TMEM63B: variants seen among roughly 807,000 people sequenced by gnomAD.
TMEM63B encodes the protein transmembrane protein 63B.
A neutral mutation model predicts 102.6 loss-of-function variants in TMEM63B; 23 were observed. The ratio of observed to expected loss-of-function variants is 0.22; its 90% CI spans 0.16 to 0.32. TMEM63B has a LOEUF of 0.32. Ranked by LOEUF, TMEM63B falls within the 10% of genes least tolerant of loss-of-function variation. The pLI is 1.00. For missense variants in TMEM63B, 628 were observed against 1,095.9 expected (o/e 0.57, Z 6.03); for synonymous variants, 444 against 437.0 (o/e 1.02, Z -0.20).
At chr6:44,130,388 C>T (rs1436008549) in intron 1 of TMEM63B, among the ~76,000 whole-genome samples, 1 of 152,076 alleles carries the variant, frequency 6.6e-6, no homozygotes, top group Non-Finnish European at 1.5e-5. Context: ...GTTAAATAAA[C>T]ATTTAATACT....
At position 44,148,006 on chromosome 6, in the gene TMEM63B, C is replaced by G. The variant is rs193155449; in HGVS notation, c.988-246C>G. ...GGCATGGTACTGCACACATGTATTC[C>G]CAGCCACTTGGGAGGCTGAGGTGGG... On this transcript the variant is annotated intron_variant, in intron 12 of 23. Transcript: ENST00000323267. This position sits in a 1 kb window ranked among gnomAD's most constrained non-coding sequence, Gnocchi z 5.1. 3.9e-5 allele frequency among the ~76,000 whole-genome samples: 6 copies of G among 152,306 alleles called. No individual in the cohort carries two copies. The East Asian group carries it at 1.2e-3, about 29-fold the overall frequency.
chr6:44,145,149 C>T (rs1561814687), intron 10 of TMEM63B, among the ~76,000 whole-genome samples: 1 of 151,494 alleles, frequency 6.6e-6, no homozygotes, highest in East Asian at 1.9e-4. Flanking sequence ...GTGGCATGTG[C>T]CTATAATCCC....
Position 44,154,450 on chromosome 6 carries a change from G to A in TMEM63B, c.2307+5G>A. On this transcript the variant is annotated splice_donor_5th_base_variant and intron_variant, in intron 23 of 23. Coordinates refer to ENST00000323267, the MANE Select transcript of TMEM63B (RefSeq NM_018426.3). Reference sequence around the variant, plus strand: ...GCTGCTGTCCCCAAATCTGCGGTGAGTGCCCTCAAGGGTTGGGAGGGGCCT... The same window carrying A: ...GCTGCTGTCCCCAAATCTGCGGTGAATGCCCTCAAGGGTTGGGAGGGGCCT... 1.2e-6 allele frequency: 2 copies of A among 1,613,954 alleles called. No homozygotes were observed. Among genetic ancestry groups the A allele is most frequent in the East Asian group, 4.5e-5 (2 of 44,878 alleles).
At chr6:44,137,482 G>T (rs1243592959) in intron 5 of TMEM63B, among the ~76,000 whole-genome samples, 1 of 152,142 alleles carries the variant, frequency 6.6e-6, no homozygotes, top group Non-Finnish European at 1.5e-5. Context: ...CTGCTAGCCA[G>T]AAGTGTCCAG....
At chr6:44,134,959 T>C (rs906283980) in intron 2 of TMEM63B, 58 bp from the exon 3 acceptor site, 10 of 1,591,742 alleles carry the variant, frequency 6.3e-6, no homozygotes, top group Non-Finnish European at 8.6e-6. Flanking sequence ...TTCTGCCCCC[T>C]AGTCCAGCAG....
chr6:44,128,303 T>C (rs1337753298), intron 1 of TMEM63B, among the ~76,000 whole-genome samples: 1 of 151,858 alleles, frequency 6.6e-6, no homozygotes, highest in South Asian at 2.1e-4. Flanking sequence ...CGGGAGCGTG[T>C]CCTCTCCTTG....
At chr6:44,129,374 A>G (rs888816232) in intron 1 of TMEM63B, among the ~76,000 whole-genome samples, 1 of 151,964 alleles carries the variant, frequency 6.6e-6, no homozygotes, top group Admixed American at 6.5e-5. Flanking sequence ...TCAAAAAAAA[A>G]AAAAAAAAGA....
intron 1 of TMEM63B, among the ~76,000 whole-genome samples, chr6:44,130,457 T>TA (rs1411967170): frequency 6.6e-6 from 1 of 152,056 alleles, no homozygotes; most frequent in Non-Finnish European, 1.5e-5. Flanking sequence ...TTTTTTTTTT[T>TA]AGACACGGTC....
chr6:44,140,168 G>A, intron 8 of TMEM63B, 84 bp from the exon 9 acceptor site: 1 of 1,098,862 alleles, frequency 9.1e-7, no homozygotes. Flanking sequence ...CTGTATCAAG[G>A]GTTTAACACT....
intron 18 of TMEM63B, among the ~76,000 whole-genome samples, chr6:44,151,119 C>G (rs1766511442): frequency 6.6e-6 from 1 of 151,972 alleles, no homozygotes; most frequent in Non-Finnish European, 1.5e-5. Flanking sequence ...CCTTATAACT[C>G]TGGGGGTGTC....
At chr6:44,134,832 C>CT in intron 2 of TMEM63B, 89 bp downstream of exon 2, 1 of 1,488,786 alleles carries the variant, frequency 6.7e-7, no homozygotes, top group Non-Finnish European at 8.9e-7. Flanking sequence ...CTCCCACCTG[C>CT]CCCGGTTTCC....
chr6:44,139,080 GTCC>G (rs1221023786), intron 6 of TMEM63B: 6 of 266,166 alleles, frequency 2.3e-5, no homozygotes, highest in East Asian at 8.5e-5. Context: ...CCTCCTGCTG[GTCC>G]TCCTCCTCTC....
intron 4 of TMEM63B, among the ~76,000 whole-genome samples, chr6:44,135,682 G>A (rs1048962702): frequency 2.0e-5 from 3 of 152,168 alleles, no homozygotes; most frequent in African/African-American, 4.8e-5. Flanking sequence ...GCACAATCAC[G>A]TAGAGACAAG....
At chr6:44,137,721 C>T (rs142453879) in intron 5 of TMEM63B, among the ~76,000 whole-genome samples, 1,916 of 150,594 alleles carry the variant, frequency 0.013, 52 homozygotes, top group African/African-American at 0.043. Flanking sequence ...TTCCCTGAGA[C>T]AGAGTCTTGC....
intron 5 of TMEM63B, among the ~76,000 whole-genome samples, chr6:44,138,030 T>C (rs999638894): frequency 6.6e-6 from 1 of 152,152 alleles, no homozygotes; most frequent in African/African-American, 2.4e-5. Flanking sequence ...CAGCTCATAG[T>C]GACCCTGGGC....
At position 44,134,734 on chromosome 6, in the gene TMEM63B, G is replaced by A. The variant is rs773124051; in HGVS notation, c.150G>A (p.Met50Ile). 1.9e-6 allele frequency: 3 copies of A among 1,612,408 alleles called. No individual in the cohort carries two copies. The highest frequency in any genetic ancestry group is 2.5e-6 in the Non-Finnish European group (3 of 1,178,780). ...CCACCGTGCTGGCTCTCGACTTCAT[G>A]TGCTTCCTTGTAAGTGCCTGCTGCC... ...GVPTVLALDF[M>I]CFLALLFLFS... Residue 50 changes from methionine to isoleucine, a missense_variant, in exon 2 of 24, where the codon ATG becomes ATA. Met to Ile is a conservative substitution (Grantham distance 10, BLOSUM62 1). Transcript: ENST00000323267.
chr6:44,137,116 G>A (rs964387851), intron 5 of TMEM63B, among the ~76,000 whole-genome samples: 3 of 152,348 alleles, frequency 2.0e-5, no homozygotes, highest in East Asian at 1.9e-4. Flanking sequence ...CATGTTGCTC[G>A]GAGGTTGCAG....
Position 44,152,260 on chromosome 6 carries a change from C to A in TMEM63B, c.1836+252C>A, listed in dbSNP as rs1477999600. Among the ~76,000 whole-genome samples, 1 of 152,038 alleles carries A rather than the reference C, an allele frequency of 6.6e-6. No homozygotes were observed. Among genetic ancestry groups the A allele is most frequent in the Non-Finnish European group, 1.5e-5 (1 of 67,978 alleles). ...ATTCTATGATGGGAGTTGGGGAGAT[C>A]TGGGTCCCTAGCGCTAGGGTCCCTC... On this transcript the variant is annotated intron_variant, in intron 19 of 23. Transcript: ENST00000323267. The surrounding 1 kb of genome is among the most constrained non-coding windows in gnomAD (Gnocchi z 6.4).
At position 44,154,125 on chromosome 6, in the gene TMEM63B, C is replaced by T. The variant is rs1353250713; in HGVS notation, c.2163C>T (p.Ile721=). Residue 721 remains isoleucine, a synonymous_variant, in exon 22 of 24, where the codon ATC becomes ATT. Transcript: ENST00000323267. ...CATTTGTGGTCCTGGTCATCACCAT[C>T]GTCATCTGTCTCTGCCACGTCTGCT... ...MFTFVVLVIT[I]VICLCHVCFG... The T allele has an allele frequency of 2.5e-6, 4 of 1,614,050 alleles. No individual in the cohort carries two copies. The highest frequency in any genetic ancestry group is 2.2e-5 in the South Asian group (2 of 91,090).
Sources: allele counts gnomAD v4.1 joint callset (sites outside exome capture counted in the v4.1 genomes callset), GRCh38; gene constraint gnomAD v4.1.1; non-coding constraint Gnocchi (gnomAD v3.1); transcripts MANE v1.5; gene names NCBI Gene and HGNC (gene_info 2026-07-23, HGNC 2026-07-21).